The following DLG2 variants were observed in gnomAD, a reference collection of about 807,000 sequenced individuals.
The protein encoded by DLG2 is disks large homolog 2.
In DLG2, 45 loss-of-function variants were observed where a neutral mutation model predicts 132.5. The ratio of observed to expected loss-of-function variants is 0.34; its 90% CI spans 0.27 to 0.44. The LOEUF (loss-of-function observed/expected upper bound fraction) is 0.44. Ranked by LOEUF, DLG2 falls within the 20% of genes least tolerant of loss-of-function variation. The probability of loss-of-function intolerance (pLI) is 1.00; values close to 1 mark genes in which losing one functional copy is unlikely to be tolerated. For missense variants in DLG2, 1,045 were observed against 1,196.9 expected (o/e 0.87, Z 1.87); for synonymous variants, 424 against 419.6 (o/e 1.01, Z -0.13).
At chr11:84,212,276 C>T (rs2154311905) in intron 8 of DLG2, among the ~76,000 whole-genome samples, 1 of 152,304 alleles carries the variant, frequency 6.6e-6, no homozygotes, top group Non-Finnish European at 1.5e-5. Context: ...TTAAAGCAAA[C>T]ACTAAAAGCA....
intron 7 of DLG2, among the ~76,000 whole-genome samples, chr11:84,401,094 G>A (rs1307851059): frequency 6.6e-6 from 1 of 152,010 alleles, no homozygotes; most frequent in Non-Finnish European, 1.5e-5. Context: ...TCATTTTATG[G>A]TTGAGAAAAC....
intron 6 of DLG2, among the ~76,000 whole-genome samples, chr11:84,654,887 C>T (rs777927600): frequency 1.3e-5 from 2 of 152,164 alleles, no homozygotes; most frequent in Non-Finnish European, 2.9e-5. Flanking sequence ...CCACTCTCTT[C>T]CTCTCCATCT....
chr11:83,914,117 T>A (rs1478574186), intron 15 of DLG2, among the ~76,000 whole-genome samples: 1 of 152,122 alleles, frequency 6.6e-6, no homozygotes, highest in Non-Finnish European at 1.5e-5. Context: ...TGAAATTTCA[T>A]CCCCAGTGTT....
chr11:85,284,500 T>G (rs963164134), intron 4 of DLG2, among the ~76,000 whole-genome samples: 5 of 152,004 alleles, frequency 3.3e-5, no homozygotes, highest in Non-Finnish European at 7.4e-5. Context: ...GGGTATGTAC[T>G]ATTACCTCCC....
rs118049102 is a variant in DLG2, at chr11:83,951,664, T to C, written c.1340+11221A>G. 8.4e-4 allele frequency among the ~76,000 whole-genome samples: 128 copies of C among 152,184 alleles called. No individual in the cohort carries two copies. The East Asian group carries it at 0.022, about 26-fold the overall frequency. ...ACTGTGATCAAGTAACAAGGAAGTCTGAGTATCAGTGAAGGGAGTGGTGGG... is the reference window on the plus strand; with the variant it reads ...ACTGTGATCAAGTAACAAGGAAGTCCGAGTATCAGTGAAGGGAGTGGTGGG... On this transcript the variant is annotated intron_variant, in intron 14 of 27. Transcript: ENST00000376104.
At chr11:84,677,941 GAAC>G (rs1225210306) in intron 6 of DLG2, among the ~76,000 whole-genome samples, 1 of 151,910 alleles carries the variant, frequency 6.6e-6, no homozygotes, top group African/African-American at 2.4e-5. Context: ...ATTGCATATA[GAAC>G]AATATTAATC....
At chr11:83,880,476 T>C (rs1369594939) in intron 15 of DLG2, among the ~76,000 whole-genome samples, 2 of 152,132 alleles carry the variant, frequency 1.3e-5, no homozygotes, top group East Asian at 3.9e-4. Flanking sequence ...TCTGGCTGGG[T>C]AGGCATTTCT....
At chr11:84,040,402 G>A (rs1341998913) in intron 11 of DLG2, among the ~76,000 whole-genome samples, 2 of 151,602 alleles carry the variant, frequency 1.3e-5, no homozygotes, top group Non-Finnish European at 3.0e-5. Context: ...TTTGTATAAT[G>A]TGTAAGGAAG....
intron 19 of DLG2, among the ~76,000 whole-genome samples, chr11:83,601,510 C>CTGTTTTTTTTTT (rs2058540600): frequency 2.1e-5 from 2 of 94,538 alleles, no homozygotes; most frequent in Admixed American, 1.7e-4. Context: ...ATGTGATGTT[C>CTGTTTTTTTTTT]TTTTTTTTTT....
intron 6 of DLG2, among the ~76,000 whole-genome samples, chr11:84,934,581 G>A (rs1050934723): frequency 1.7e-4 from 20 of 115,460 alleles, no homozygotes; most frequent in Non-Finnish European, 3.0e-4. Flanking sequence ...CTCAATTTCA[G>A]ACCTCATTAT....
chr11:83,845,846 T>C (rs1595343447), intron 16 of DLG2, among the ~76,000 whole-genome samples: 1 of 132,018 alleles, frequency 7.6e-6, no homozygotes, highest in East Asian at 2.1e-4. Context: ...GTCTTGCTTT[T>C]TTGGCTATAA....
At chr11:85,029,471 A>G (rs2060829886) in intron 6 of DLG2, among the ~76,000 whole-genome samples, 1 of 152,242 alleles carries the variant, frequency 6.6e-6, no homozygotes. Flanking sequence ...TTGTCTATTA[A>G]AATCATTAGG....
intron 4 of DLG2, among the ~76,000 whole-genome samples, chr11:85,191,205 CGT>C (rs2080545387): frequency 6.7e-6 from 1 of 149,154 alleles, no homozygotes; most frequent in Non-Finnish European, 1.5e-5. Context: ...CACACACACA[CGT>C]TTGGATATAT....
At chr11:84,673,688 G>C (rs1050595370) in intron 6 of DLG2, among the ~76,000 whole-genome samples, 1 of 151,372 alleles carries the variant, frequency 6.6e-6, no homozygotes, top group African/African-American at 2.4e-5. Context: ...TTCCATGGAA[G>C]AATTAGAAGA....
chr11:84,365,297 C>T (rs1485089598), intron 7 of DLG2, among the ~76,000 whole-genome samples: 3 of 152,132 alleles, frequency 2.0e-5, no homozygotes, highest in East Asian at 3.9e-4. Context: ...AGTTTATTTG[C>T]GTAGAGGTGT....
At chr11:85,022,862 T>C in intron 6 of DLG2, among the ~76,000 whole-genome samples, 1 of 152,072 alleles carries the variant, frequency 6.6e-6, no homozygotes, top group East Asian at 1.9e-4. Flanking sequence ...TTTCCCCAAA[T>C]GCAAGTATTA....
chr11:83,793,894 T>A (rs906440329), intron 17 of DLG2, among the ~76,000 whole-genome samples: 4 of 152,176 alleles, frequency 2.6e-5, no homozygotes, highest in Non-Finnish European at 4.4e-5. Context: ...ATGCTTTTTT[T>A]AAAAAGAGGA....
intron 12 of DLG2, among the ~76,000 whole-genome samples, chr11:83,971,939 C>T (rs550644137): frequency 2.6e-5 from 4 of 152,070 alleles, no homozygotes; most frequent in African/African-American, 9.6e-5. Context: ...TCTTGTTTTT[C>T]ATCTTTTCAG....
chr11:85,498,124 C>A (rs909975141), intron 3 of DLG2, among the ~76,000 whole-genome samples: 2 of 152,138 alleles, frequency 1.3e-5, no homozygotes, highest in Non-Finnish European at 2.9e-5. Flanking sequence ...AATTAAAAGA[C>A]ACAGACTGGC....
Sources: gnomAD v4.1 joint callset for allele counts (sites outside exome capture counted in the v4.1 genomes callset) on GRCh38, gnomAD v4.1.1 for gene constraint, MANE v1.5 for transcripts, NCBI Gene and HGNC (gene_info 2026-07-23, HGNC 2026-07-21) for gene names.